The following STXBP2 variants were observed in gnomAD, a reference collection of about 807,000 sequenced individuals.
STXBP2 encodes the protein syntaxin-binding protein 2.
STXBP2 carries 47 observed loss-of-function variants against 72.2 expected under a neutral mutation model. The ratio of observed to expected loss-of-function variants is 0.65; its 90% confidence interval spans 0.51 to 0.83. The LOEUF is 0.83. Among genes scored for constraint, STXBP2 ranks in the 40% least tolerant of loss-of-function variants. STXBP2 has a pLI of 0.00. For missense variants in STXBP2, 702 were observed against 807.6 expected (o/e 0.87, Z 1.58); for synonymous variants, 367 against 338.7 (o/e 1.08, Z -0.92).
At position 7,642,997 on chromosome 19, in the gene STXBP2, C is replaced by T; in HGVS notation, c.975C>T (p.Asp325=). 2 of 1,614,194 alleles carry T rather than the reference C, an allele frequency of 1.2e-6. No individual in the cohort carries two copies. Among genetic ancestry groups the T allele is most frequent in the East Asian group, 2.2e-5 (1 of 44,888 alleles). Residue 325 remains aspartate (D), a synonymous_variant, in exon 12 of 19, where the codon GAC becomes GAT. Transcript: ENST00000221283. This position sits in a 1 kb window ranked among gnomAD's most constrained non-coding sequence, Gnocchi z 6.0. ...RLTTDKANIK[D]LSQILKKMPQ... Reference sequence around the variant, plus strand: ...TACTTCCCCAGGCGAACATCAAAGACCTATCCCAGATCCTGAAAAAGATGC... The same window carrying T: ...TACTTCCCCAGGCGAACATCAAAGATCTATCCCAGATCCTGAAAAAGATGC...
chr19:7,629,980 A>G, the STXBP2 span: 1 of 1,211,078 alleles, frequency 8.3e-7, no homozygotes, highest in Non-Finnish European at 1.1e-6. Flanking sequence ...AGCTCTTAAG[A>G]TTTGAGAGGA....
intron 13 of STXBP2, 104 bp downstream of exon 13, chr19:7,643,349 C>A: frequency 7.8e-7 from 1 of 1,276,156 alleles, no homozygotes; most frequent in Non-Finnish European, 1.1e-6. Context: ...AGGGGCAGGG[C>A]TTGTGGAGAG....
chr19:7,646,483 G>C, intron 16 of STXBP2, 139 bp downstream of exon 16: 1 of 844,806 alleles, frequency 1.2e-6, no homozygotes, highest in Non-Finnish European at 2.0e-6. Context: ...GATCTGCTCT[G>C]CTGAGGGGGG....
chr19:7,644,775 T>G (rs2032063933), intron 14 of STXBP2, 23 bp downstream of exon 14: 8 of 1,613,242 alleles, frequency 5.0e-6, no homozygotes, highest in Non-Finnish European at 6.8e-6. Flanking sequence ...TGCAGGGAGT[T>G]GGAACGTCCC....
intron 16 of STXBP2, chr19:7,646,725 C>T: frequency 2.6e-6 from 1 of 383,830 alleles, no homozygotes; most frequent in Non-Finnish European, 4.8e-6. Context: ...CTCTAAGAGC[C>T]CCGGCCCCTC....
At chr19:7,630,558 C>A in the STXBP2 span, 1 of 1,531,654 alleles carries the variant, frequency 6.5e-7, no homozygotes, top group Non-Finnish European at 8.8e-7. Context: ...CCTCACCCAC[C>A]CTCTGCCATT....
chr19:7,646,797 T>C lies in STXBP2; in HGVS notation c.1453-365T>C, dbSNP rs140558321. ...CCCCATGGACCTTGAATACCTGGAC[T>C]TCTGGGGCTCTGAGGGGCTGAGAGC... On this transcript the variant is annotated intron_variant, in intron 16 of 18. Coordinates refer to ENST00000221283, the MANE Select transcript of STXBP2 (RefSeq NM_006949.4). The C allele has an allele frequency of 6.4e-3, 2,672 of 414,448 alleles. 20 individuals are homozygous for C. The highest frequency in any genetic ancestry group is 9.4e-3 in the Non-Finnish European group (2,126 of 226,436). 25.7% of individuals were successfully genotyped at this position (414,448 alleles called of 1,614,324 possible). A position where few individuals can be genotyped will look rare whatever the true frequency, so the allele number is the denominator to read the frequency against.
chr19:7,640,455 T>G, intron 4 of STXBP2: 3 of 666,030 alleles, frequency 4.5e-6, no homozygotes, highest in Non-Finnish European at 5.5e-6. Flanking sequence ...TGTGTATGTA[T>G]GTGTGTGCAT....
intron 6 of STXBP2, among the ~76,000 whole-genome samples, chr19:7,641,485 C>T (rs931780345): frequency 1.3e-5 from 2 of 152,164 alleles, no homozygotes; most frequent in African/African-American, 4.8e-5. Context: ...GAGCGCACCG[C>T]GGGGTTGTCC....
chr19:7,639,476 T>G, intron 3 of STXBP2: 1 of 580,970 alleles, frequency 1.7e-6, no homozygotes, highest in Non-Finnish European at 3.1e-6. Context: ...CATTGAGGGA[T>G]AGGTGCTGAG....
rs34833262 is a variant in STXBP2 at position 7,640,554 on chromosome 19, CTGTG to C, written c.247-170_247-167del. The C allele has an allele frequency of 4.0e-5, 30 of 745,538 alleles. 1 individual carries two copies. The highest frequency in any genetic ancestry group is 1.5e-4 in the South Asian group (10 of 67,666). 46.2% of individuals were successfully genotyped at this position (745,538 alleles called of 1,614,324 possible). ...TGTATGTGTGTGTGCGTGCGTGCAT[CTGTG>C]TGTGTGCGCGTGTGCCCATGTGGGT... is the stretch of plus-strand genomic sequence containing the variant. On this transcript the variant is annotated intron_variant, in intron 4 of 18. Coordinates refer to ENST00000221283, the MANE Select transcript of STXBP2 (RefSeq NM_006949.4).
chr19:7,633,629 T>C, upstream of STXBP2: 1 of 654,282 alleles, frequency 1.5e-6, no homozygotes, highest in South Asian at 2.0e-5. Context: ...ATCCAGATAA[T>C]TGTTTGCCCA....
At chr19:7,630,274 A>T in the STXBP2 span, 1 of 467,472 alleles carries the variant, frequency 2.1e-6, no homozygotes, top group South Asian at 2.8e-5. Flanking sequence ...TTAAGTGGGG[A>T]TGGGTAATGA....
At chr19:7,630,897 T>C in the STXBP2 span, 1 of 1,535,956 alleles carries the variant, frequency 6.5e-7, no homozygotes, top group South Asian at 1.2e-5. Context: ...TGGATTCTTG[T>C]ATCCGGGATG....
Position 7,646,122 on chromosome 19 carries a change from G to A in STXBP2, c.1357-127G>A, listed in dbSNP as rs116682189. ...TTCTTGCTGTCTCTCGCTCTCTCTC[G>A]CTCTCTGTTCCACTTCCCCATCTTT... On this transcript the variant is annotated intron_variant, in intron 15 of 18. Transcript: ENST00000221283. The A allele has an allele frequency of 1.7e-3, 1,196 of 714,066 alleles. 13 individuals carry two copies. The African/African-American group carries it at 0.019, about 11-fold the overall frequency. The allele number at this position is 714,066 out of a possible 1,614,324, so 44.2% of individuals were successfully genotyped here.
In STXBP2 at chr19:7,640,904, C is replaced by T. The variant is rs1032960984; in HGVS notation, c.330C>T (p.Cys110=). Residue 110 remains cysteine, a synonymous_variant, in exon 6 of 19, where the codon TGC becomes TGT. Coordinates refer to ENST00000221283, the MANE Select transcript of STXBP2 (RefSeq NM_006949.4). The part of the protein sequence containing the change: ...KAAHIFFTDT[C]PEPLFSELGR... ...CCCACTCCTGCCTCACCCCAGCCTG[C>T]CCCGAGCCCCTGTTCAGTGAGCTAG... is the stretch of plus-strand genomic sequence containing the variant. 1.4e-5 allele frequency: 22 copies of T among 1,614,100 alleles called. No individual in the cohort carries two copies. Among genetic ancestry groups the T allele is most frequent in the South Asian group, 4.4e-5 (4 of 91,096 alleles).
chr19:7,629,865 G>A, the STXBP2 span: 1 of 1,533,226 alleles, frequency 6.5e-7, no homozygotes, highest in African/African-American at 1.4e-5. Flanking sequence ...TTTCGGGTCA[G>A]TGGACACAGG....
upstream of STXBP2, chr19:7,633,728 G>C: frequency 3.9e-6 from 2 of 513,120 alleles, no homozygotes; most frequent in Non-Finnish European, 6.9e-6. Flanking sequence ...CTGGACCCCA[G>C]GGACTCTCAG....
chr19:7,639,147 CCT>C, intron 3 of STXBP2, 47 bp downstream of exon 3: 1 of 1,587,140 alleles, frequency 6.3e-7, no homozygotes, highest in Non-Finnish European at 8.6e-7. Context: ...CGTGGGAACC[CCT>C]GACTGTGCCC....
Sources: gnomAD v4.1 joint callset for allele counts (sites outside exome capture counted in the v4.1 genomes callset) on GRCh38, gnomAD v4.1.1 for gene constraint, Gnocchi (gnomAD v3.1) non-coding constraint, MANE v1.5 for transcripts, NCBI Gene and HGNC (gene_info 2026-07-23, HGNC 2026-07-21) for gene names.